Variants in DENND1A observed in about 807,000 individuals in gnomAD.
DENND1A encodes the protein DENN domain containing 1A.
A neutral mutation model predicts 113.7 loss-of-function variants in DENND1A; 51 were observed. That is an observed-to-expected ratio of 0.45 (90% CI 0.36 to 0.57). The LOEUF (loss-of-function observed/expected upper bound fraction) is 0.57. Among genes scored for constraint, DENND1A ranks in the 20% least tolerant of loss-of-function variants. The pLI is 0.00. For synonymous variants in DENND1A, 565 were observed against 570.8 expected (o/e 0.99, Z 0.14); for missense variants, 1,258 against 1,395.9 (o/e 0.90, Z 1.57).
chr9:123,754,016 ACGT>A (rs2070304113), intron 5 of DENND1A, among the ~76,000 whole-genome samples: 1 of 152,230 alleles, frequency 6.6e-6, no homozygotes, highest in African/African-American at 2.4e-5. Flanking sequence ...CACAGGGGCT[ACGT>A]CTGCACAGAT....
intron 2 of DENND1A, among the ~76,000 whole-genome samples, chr9:123,866,461 C>G (rs1845806840): frequency 6.6e-6 from 1 of 152,162 alleles, no homozygotes; most frequent in Non-Finnish European, 1.5e-5. Context: ...TCAGTTCAGG[C>G]AGTGTTCTTT....
intron 19 of DENND1A, among the ~76,000 whole-genome samples, chr9:123,427,495 C>A (rs546144709): frequency 6.6e-6 from 1 of 152,184 alleles, no homozygotes; most frequent in Non-Finnish European, 1.5e-5. Flanking sequence ...GTCTGCCATG[C>A]GCTAACCTGC....
At chr9:123,724,739 G>A (rs879778739) in intron 5 of DENND1A, among the ~76,000 whole-genome samples, 6 of 152,198 alleles carry the variant, frequency 3.9e-5, no homozygotes, top group Non-Finnish European at 5.9e-5. Context: ...GAAGCAACTC[G>A]CCTTTCTTAG....
chr9:123,613,128 G>A (rs1339464948), intron 10 of DENND1A, among the ~76,000 whole-genome samples: 3 of 152,138 alleles, frequency 2.0e-5, no homozygotes, highest in Non-Finnish European at 4.4e-5. Context: ...GCACACTCTT[G>A]TCTCCCGGAT....
At chr9:123,644,808 C>T (rs1344751603) in intron 9 of DENND1A, among the ~76,000 whole-genome samples, 1 of 152,132 alleles carries the variant, frequency 6.6e-6, no homozygotes, top group Non-Finnish European at 1.5e-5. Flanking sequence ...CAAGTTATTC[C>T]GCCTTTCCAA....
intron 13 of DENND1A, among the ~76,000 whole-genome samples, chr9:123,494,946 C>G (rs2051730557): frequency 6.6e-6 from 1 of 152,078 alleles, no homozygotes; most frequent in Admixed American, 6.5e-5. Context: ...TGTGTGCCAC[C>G]ACGCCAGGAT....
At chr9:123,718,048 G>A (rs1475909164) in intron 5 of DENND1A, among the ~76,000 whole-genome samples, 3 of 152,194 alleles carry the variant, frequency 2.0e-5, no homozygotes, top group African/African-American at 7.2e-5. Context: ...CTGGGTGTAT[G>A]TTATGTCTGT....
chr9:123,563,018 G>A (rs2136163908), intron 12 of DENND1A, among the ~76,000 whole-genome samples: 1 of 152,274 alleles, frequency 6.6e-6, no homozygotes, highest in East Asian at 1.9e-4. Flanking sequence ...TCTCTGCTTG[G>A]AGGAAAGTCT....
chr9:123,595,575 C>G (rs540447909), intron 11 of DENND1A, among the ~76,000 whole-genome samples: 1 of 152,272 alleles, frequency 6.6e-6, no homozygotes, highest in Admixed American at 6.5e-5. Context: ...ATTCTCTCCC[C>G]GACATGGTCC....
Position 123,382,278 on chromosome 9 carries a change from G to A in DENND1A, c.2367C>T (p.Gly789=), listed in dbSNP as rs764838612. The A allele has an allele frequency of 1.2e-6, 2 of 1,610,658 alleles. No homozygotes were observed. The highest frequency in any genetic ancestry group is 1.1e-5 in the South Asian group (1 of 90,970). The change falls in exon 24 of 24, where the codon GGC becomes GGT. Residue 789 remains glycine, a synonymous_variant. Transcript: ENST00000394215. ...GCTCTGAGACGTCACCAAGTGCGGCGCCGGCAGCCTGGAGCTTGGCCGGGC... is the reference window on the plus strand; with the variant it reads ...GCTCTGAGACGTCACCAAGTGCGGCACCGGCAGCCTGGAGCTTGGCCGGGC... ...IPRPAKLQAA[G]AALGDVSERL... is the part of the protein sequence containing the mutation.
rs541236251 is a variant in DENND1A, at chr9:123,701,501, G to A, written c.303-24712C>T. Among the ~76,000 whole-genome samples, 19 of 152,220 alleles carry A rather than the reference G, an allele frequency of 1.2e-4. No individual in the cohort carries two copies. In the East Asian group the frequency reaches 3.5e-3, roughly 28 times the overall value. On this transcript the variant is annotated intron_variant, in intron 5 of 23. Coordinates refer to ENST00000394215, the MANE Select transcript of DENND1A (RefSeq NM_001352964.2). ...CTGCCACCATAAAACCCAGCATCAG[G>A]CAGACCTCTAGGGCCTCTAACTCCA...
At chr9:123,643,635 C>A (rs114599101) in intron 9 of DENND1A, among the ~76,000 whole-genome samples, 1 of 152,212 alleles carries the variant, frequency 6.6e-6, no homozygotes, top group Admixed American at 6.5e-5. Flanking sequence ...ACAGAAGATA[C>A]GCCCCAGGGC....
chr9:123,771,470 G>A (rs2131652387), intron 3 of DENND1A, among the ~76,000 whole-genome samples: 1 of 152,248 alleles, frequency 6.6e-6, no homozygotes, highest in Non-Finnish European at 1.5e-5. Context: ...TTAAAACTCA[G>A]TATTCAGTGC....
intron 13 of DENND1A, among the ~76,000 whole-genome samples, chr9:123,511,732 A>G (rs1037081245): frequency 6.6e-6 from 1 of 152,260 alleles, no homozygotes; most frequent in African/African-American, 2.4e-5. Flanking sequence ...TGAGCATTAC[A>G]GAAGGCTTTG....
intron 5 of DENND1A, 142 bp from the exon 6 acceptor site, chr9:123,676,931 T>A (rs2064114275): frequency 1.3e-6 from 1 of 772,456 alleles, no homozygotes; most frequent in Middle Eastern, 2.3e-4. Flanking sequence ...AAACACAAAC[T>A]GGCGAAATGC....
At chr9:123,636,995 C>T (rs2061740693) in intron 9 of DENND1A, among the ~76,000 whole-genome samples, 3 of 152,166 alleles carry the variant, frequency 2.0e-5, no homozygotes, top group Non-Finnish European at 2.9e-5. Context: ...CGGCCCCAGA[C>T]ATTTAACAAA....
chr9:123,476,291 T>A (rs10986026), intron 13 of DENND1A, among the ~76,000 whole-genome samples: 85,810 of 151,952 alleles, frequency 0.56, 26,393 homozygotes, highest in Non-Finnish European at 0.69. Context: ...CTCCAGCTGA[T>A]AAAGGGGTCA....
At position 123,403,165 on chromosome 9, in the gene DENND1A, C is replaced by A. The variant is rs1272352898; in HGVS notation, c.1631+237G>T. On this transcript the variant is annotated intron_variant, in intron 21 of 23. Coordinates refer to ENST00000394215, the MANE Select transcript of DENND1A (RefSeq NM_001352964.2). ...CCAGCAAAGTATGCTTTGGACCCCA[C>A]CCCTCGAAATCCAGCCCAAGTGCCC... 2.0e-5 allele frequency among the ~76,000 whole-genome samples: 3 copies of A among 152,240 alleles called. No individual in the cohort carries two copies. In the East Asian group the frequency reaches 5.8e-4, roughly 29 times the overall value.
intron 5 of DENND1A, among the ~76,000 whole-genome samples, chr9:123,729,265 A>G (rs2067981580): frequency 6.6e-6 from 1 of 152,208 alleles, no homozygotes; most frequent in African/African-American, 2.4e-5. Flanking sequence ...CGGCCAGGGC[A>G]ATCAGGCAAA....
Sources: allele counts gnomAD v4.1 joint callset (sites outside exome capture counted in the v4.1 genomes callset), GRCh38; gene constraint gnomAD v4.1.1; transcripts MANE v1.5; gene names NCBI Gene and HGNC (gene_info 2026-07-23, HGNC 2026-07-21).